Variants in PLXNA4 observed in about 807,000 individuals in gnomAD.
The protein encoded by PLXNA4 is plexin A4, also known as plexin-A4.
Under a neutral mutation model 191.8 loss-of-function variants are expected in PLXNA4, and 44 were observed. The ratio of observed to expected loss-of-function variants is 0.23; its 90% CI spans 0.18 to 0.29. The LOEUF is 0.29. Ranked by LOEUF, PLXNA4 falls within the 10% of genes least tolerant of loss-of-function variation. The pLI is 1.00. For missense variants in PLXNA4, 1,800 were observed against 2,488.8 expected, an observed-to-expected ratio of 0.72 and a Z score of 5.89; for synonymous variants, 1,082 against 1,009.5, an observed-to-expected ratio of 1.07 and a Z score of -1.36.
At chr7:132,380,662 G>A (rs975921543) in intron 3 of PLXNA4, among the ~76,000 whole-genome samples, 1 of 152,166 alleles carries the variant, frequency 6.6e-6, no homozygotes, top group Non-Finnish European at 1.5e-5. Context: ...AGTATCAGGA[G>A]CAGGGCCTCA....
intron 3 of PLXNA4, among the ~76,000 whole-genome samples, chr7:132,486,466 C>G (rs1347535066): frequency 6.6e-6 from 1 of 152,246 alleles, no homozygotes; most frequent in Non-Finnish European, 1.5e-5. Flanking sequence ...CCAACTCAGA[C>G]TGTTCCCCTG....
chr7:132,397,546 A>G (rs1043377056), intron 3 of PLXNA4, among the ~76,000 whole-genome samples: 1 of 152,244 alleles, frequency 6.6e-6, no homozygotes, highest in African/African-American at 2.4e-5. Context: ...GTGAGCAGAT[A>G]TCAGCTTCCC....
chr7:132,515,063 G>T (rs536639913), intron 1 of PLXNA4, among the ~76,000 whole-genome samples: 1 of 152,150 alleles, frequency 6.6e-6, no homozygotes, highest in East Asian at 1.9e-4. Flanking sequence ...ATTGGATCAG[G>T]AATGAGAAAC....
At position 132,264,457 on chromosome 7, in the gene PLXNA4, C is replaced by CT. The variant is rs368086706; in HGVS notation, c.1504-23292dup. On this transcript the variant is annotated intron_variant, in intron 4 of 31. Coordinates refer to ENST00000321063, the MANE Select transcript of PLXNA4 (RefSeq NM_020911.2). ...GAATTTCCCCAACTTAGACCTCACT[C>CT]TTTTTTTTTCTGCAAATGAGGCCTC... Among the ~76,000 whole-genome samples the CT allele has an allele frequency of 9.8e-3, 1,493 of 151,630 alleles. 31 individuals are homozygous for CT. The highest frequency in any genetic ancestry group is 0.034 in the African/African-American group (1,414 of 41,346).
At chr7:132,579,797 A>C (rs1207831783), upstream of PLXNA4, among the ~76,000 whole-genome samples, 3 of 152,126 alleles carry the variant, frequency 2.0e-5, no homozygotes, top group African/African-American at 7.2e-5. Flanking sequence ...ACTGAATAAC[A>C]CGGTAAAAGG....
intron 3 of PLXNA4, chr7:132,367,506 T>C (rs975225646): frequency 2.1e-5 from 2 of 94,744 alleles, no homozygotes; most frequent in African/African-American, 4.3e-5. Context: ...GTGAAGGTAT[T>C]GGGAAGAAAG....
At chr7:132,417,716 G>A (rs1228535461) in intron 3 of PLXNA4, among the ~76,000 whole-genome samples, 1 of 151,666 alleles carries the variant, frequency 6.6e-6, no homozygotes, top group African/African-American at 2.4e-5. Context: ...AGGTGGGGGA[G>A]GAGGGGAGAG....
At chr7:132,488,113 T>C (rs1456261235) in intron 3 of PLXNA4, among the ~76,000 whole-genome samples, 1 of 152,154 alleles carries the variant, frequency 6.6e-6, no homozygotes, top group Non-Finnish European at 1.5e-5. Context: ...GCTCATTGTT[T>C]TCTTTCCCAG....
Position 132,129,958 on chromosome 7 carries a change from G to A in PLXNA4, c.*521C>T, listed in dbSNP as rs573231738. ...CAGCTGCAAAGCGATCAGACCACTG[G>A]CTGAACCACTGGAGATGGAACTGTG... is the stretch of plus-strand genomic sequence containing the variant. On this transcript the variant is annotated 3_prime_UTR_variant, in exon 32 of 32. Coordinates refer to ENST00000321063, the MANE Select transcript of PLXNA4 (RefSeq NM_020911.2). 143 of 162,230 alleles carry A rather than the reference G, an allele frequency of 8.8e-4. 5 individuals carry two copies. The South Asian group carries it at 0.025, about 29-fold the overall frequency. 10.0% of individuals were successfully genotyped at this position (162,230 alleles called of 1,614,324 possible).
chr7:132,610,739 C>T (rs1440262858), intron 2 of PLXNA4, among the ~76,000 whole-genome samples: 5 of 152,194 alleles, frequency 3.3e-5, no homozygotes, highest in African/African-American at 4.8e-5. Context: ...GAATCCTTTC[C>T]ATTCATTTGC....
chr7:132,149,857 G>A (rs1237531565), intron 25 of PLXNA4, among the ~76,000 whole-genome samples: 1 of 152,190 alleles, frequency 6.6e-6, no homozygotes, highest in African/African-American at 2.4e-5. Context: ...TCCATGACCA[G>A]CCACATTTGT....
intron 4 of PLXNA4, among the ~76,000 whole-genome samples, chr7:132,248,233 G>C (rs893338523): frequency 4.6e-5 from 7 of 152,182 alleles, no homozygotes; most frequent in Non-Finnish European, 8.8e-5. Context: ...CACATGGAGA[G>C]AGACCTGAGC....
intron 1 of PLXNA4, among the ~76,000 whole-genome samples, chr7:132,575,060 G>A (rs762366746): frequency 6.6e-6 from 1 of 152,164 alleles, no homozygotes; most frequent in South Asian, 2.1e-4. Context: ...CTACCTCAAA[G>A]TGACAGCACC....
chr7:132,371,177 G>A (rs992203937), intron 3 of PLXNA4, among the ~76,000 whole-genome samples: 23 of 152,150 alleles, frequency 1.5e-4, no homozygotes, highest in Admixed American at 1.4e-3. Context: ...GGAGTAACAC[G>A]TGCAAAGGTG....
intron 3 of PLXNA4, among the ~76,000 whole-genome samples, chr7:132,379,180 C>T (rs1804788079): frequency 6.6e-6 from 1 of 152,116 alleles, no homozygotes; most frequent in Admixed American, 6.5e-5. Context: ...GATGCCATAA[C>T]ATTTCATACA....
chr7:132,580,551 G>T (rs1239844780), upstream of PLXNA4, among the ~76,000 whole-genome samples: 3 of 152,216 alleles, frequency 2.0e-5, no homozygotes, highest in Non-Finnish European at 4.4e-5. Context: ...TTCTAAAGAA[G>T]CTATGTCTGT....
chr7:132,429,015 T>C (rs1339271771), intron 3 of PLXNA4, among the ~76,000 whole-genome samples: 2 of 152,004 alleles, frequency 1.3e-5, no homozygotes, highest in Non-Finnish European at 2.9e-5. Context: ...GCTGGTCAGC[T>C]GGGGGCTGCC....
At chr7:132,333,919 C>T (rs1802700773) in intron 3 of PLXNA4, among the ~76,000 whole-genome samples, 1 of 152,222 alleles carries the variant, frequency 6.6e-6, no homozygotes, top group Admixed American at 6.5e-5. Context: ...GGAAAACTTA[C>T]CTTCCTCTCC....
At chr7:132,353,038 C>T (rs929540761) in intron 3 of PLXNA4, among the ~76,000 whole-genome samples, 4 of 152,162 alleles carry the variant, frequency 2.6e-5, no homozygotes, top group Admixed American at 2.6e-4. Context: ...GTGAACGTCG[C>T]CTGCTCCCAC....
Sources: gnomAD v4.1 joint callset for allele counts (sites outside exome capture counted in the v4.1 genomes callset) on GRCh38, gnomAD v4.1.1 for gene constraint, MANE v1.5 for transcripts, NCBI Gene and HGNC (gene_info 2026-07-23, HGNC 2026-07-21) for gene names.